ZNF609: variants seen among roughly 807,000 people sequenced by gnomAD.
ZNF609 encodes the protein zinc finger protein 609.
In ZNF609, 11 loss-of-function variants were observed where a neutral mutation model predicts 109.5. The ratio of observed to expected loss-of-function variants is 0.10; its 90% CI spans 0.06 to 0.17. The LOEUF (loss-of-function observed/expected upper bound fraction) is 0.17. Ranked by LOEUF, ZNF609 falls within the 10% of genes least tolerant of loss-of-function variation. ZNF609 has a pLI of 1.00. For missense variants in ZNF609, 1,559 were observed against 1,772.4 expected, an observed-to-expected ratio of 0.88 and a Z score of 2.16; for synonymous variants, 646 against 662.0, an observed-to-expected ratio of 0.98 and a Z score of 0.37.
chr15:64,667,588 C>G (rs1053357312), intron 3 of ZNF609, among the ~76,000 whole-genome samples: 1 of 151,688 alleles, frequency 6.6e-6, no homozygotes, highest in African/African-American at 2.4e-5. Context: ...TGGCACCTGC[C>G]GTAATCCCAG....
chr15:64,680,256 A>G lies in ZNF609; in HGVS notation c.3841A>G (p.Lys1281Glu). 1 of 1,614,200 alleles carries G rather than the reference A, an allele frequency of 6.2e-7. No individual in the cohort carries two copies. The highest frequency in any genetic ancestry group is 8.5e-7 in the Non-Finnish European group (1 of 1,180,040). ...SKVSGGEDAD[K>E]ARASPSVTCK... is the part of the protein sequence containing the mutation. ...GGTCTCAGGTGGTGAAGATGCTGAC[A>G]AGGCACGAGCCAGCCCCAGTGTGAC... Residue 1281 changes from lysine to glutamate, a missense_variant, in exon 7 of 10, where the codon AAG (lysine) becomes GAG (glutamate). Lys to Glu is a moderately conservative substitution (Grantham distance 56, BLOSUM62 1). Transcript: ENST00000326648.
intron 3 of ZNF609, among the ~76,000 whole-genome samples, chr15:64,658,746 G>T (rs1040400630): frequency 6.6e-6 from 1 of 150,756 alleles, no homozygotes; most frequent in Non-Finnish European, 1.5e-5. Flanking sequence ...TCAGTGAGCC[G>T]TAATCATACC....
intron 6 of ZNF609, among the ~76,000 whole-genome samples, chr15:64,679,411 AACTCT>A (rs1896850456): frequency 6.6e-6 from 1 of 152,168 alleles, no homozygotes. Context: ...GCTCTTATTT[AACTCT>A]ACTCGTTTTG....
At chr15:64,619,756 T>C (rs1895850871) in intron 2 of ZNF609, among the ~76,000 whole-genome samples, 1 of 152,210 alleles carries the variant, frequency 6.6e-6, no homozygotes, top group African/African-American at 2.4e-5. Flanking sequence ...CTGTTATTCT[T>C]AGTGATCAGT....
At chr15:64,582,738 TGAGACAGAGTC>T (rs1283419774) in intron 2 of ZNF609, among the ~76,000 whole-genome samples, 4 of 122,838 alleles carry the variant, frequency 3.3e-5, no homozygotes, top group African/African-American at 9.9e-5. Flanking sequence ...TTTTTTTTTT[TGAGACAGAGTC>T]TTTTTTTTTT....
In ZNF609 at chr15:64,682,923, T is replaced by G. The variant is rs769640689; in HGVS notation, c.*1237T>G. 6.5e-6 allele frequency: 1 copy of G among 152,678 alleles called. No individual in the cohort carries two copies. The highest frequency in any genetic ancestry group is 1.5e-5 in the Non-Finnish European group (1 of 68,052). The allele number at this position is 152,678 out of a possible 1,614,324, so 9.5% of individuals were successfully genotyped here. On this transcript the variant is annotated 3_prime_UTR_variant, in exon 10 of 10. Coordinates refer to ENST00000326648, the MANE Select transcript of ZNF609 (RefSeq NM_015042.2). The stretch of plus-strand genomic sequence containing the variant: ...GGGCCACTGGCCATGGGAGGTTATT[T>G]GTTCCTTAGACCCTGGAATAACACA...
intron 2 of ZNF609, among the ~76,000 whole-genome samples, chr15:64,577,109 T>C (rs1894989773): frequency 8.1e-6 from 1 of 123,952 alleles, no homozygotes; most frequent in Non-Finnish European, 1.6e-5. Context: ...TACACACAAA[T>C]ATATACATAT....
At chr15:64,543,052 A>G (rs899763541) in intron 2 of ZNF609, among the ~76,000 whole-genome samples, 5 of 152,228 alleles carry the variant, frequency 3.3e-5, no homozygotes, top group African/African-American at 2.4e-5. Context: ...TCTGAGGCTT[A>G]AAACCTAGAT....
intron 3 of ZNF609, among the ~76,000 whole-genome samples, chr15:64,655,165 C>T (rs1306448697): frequency 1.3e-5 from 2 of 148,338 alleles, no homozygotes. Flanking sequence ...AATTATAGCA[C>T]CAAGTTGAGG....
chr15:64,470,883 T>C (rs997823807), intron 1 of ZNF609, among the ~76,000 whole-genome samples: 11 of 152,212 alleles, frequency 7.2e-5, no homozygotes, highest in African/African-American at 2.7e-4. Flanking sequence ...CATATTAGGA[T>C]TTTTATCAGC....
intron 1 of ZNF609, among the ~76,000 whole-genome samples, chr15:64,487,667 C>G (rs1032637868): frequency 6.6e-6 from 1 of 151,390 alleles, no homozygotes; most frequent in African/African-American, 2.4e-5. Flanking sequence ...GAGTCTTGCT[C>G]TGTCGCCCCG....
rs116761720 is a variant in ZNF609 at position 64,676,300 on chromosome 15, C to T, written c.3402+44C>T. 1,367 of 1,528,510 alleles carry T rather than the reference C, an allele frequency of 8.9e-4. 7 individuals carry two copies. The African/African-American group carries it at 0.017, about 19-fold the overall frequency. 94.7% of individuals were successfully genotyped at this position (1,528,510 alleles called of 1,614,324 possible). ...GGAAGTGGAAATACCGTATGGTAAT[C>T]GTCTATCTTCCTCACAAATAAGGGC... On this transcript the variant is annotated intron_variant, in intron 5 of 9. Coordinates refer to ENST00000326648, the MANE Select transcript of ZNF609 (RefSeq NM_015042.2).
At chr15:64,637,994 T>TA (rs1555424285) in intron 3 of ZNF609, among the ~76,000 whole-genome samples, 4 of 134,350 alleles carry the variant, frequency 3.0e-5, no homozygotes, top group Non-Finnish European at 4.8e-5. Flanking sequence ...GAACCTTGTT[T>TA]TATATATATA....
rs71133451 is a variant in ZNF609, at chr15:64,588,442, A to AAAAAAAAAAAAAGAAG, written c.748-34383_748-34382insAAAAAAAAAAGAAGAA. Among the ~76,000 whole-genome samples the AAAAAAAAAAAAAGAAG allele has an allele frequency of 2.8e-3, 212 of 75,262 alleles. 17 individuals carry two copies. The highest frequency in any genetic ancestry group is 0.01 in the African/African-American group (201 of 19,496). The allele number at this position is 75,262 out of a possible 152,430, so 49.4% of individuals were successfully genotyped here. On this transcript the variant is annotated intron_variant, in intron 2 of 9. Coordinates refer to ENST00000326648, the MANE Select transcript of ZNF609 (RefSeq NM_015042.2). The stretch of plus-strand genomic sequence containing the variant: ...CACTCTGTCTAAAAAAAAAAAAAAA[A>AAAAAAAAAAAAAGAAG]AAGAAGAGGAAGACTGTACAGACTA...
At position 64,499,330 on chromosome 15, in the gene ZNF609, G is replaced by T; in HGVS notation, c.-90G>T. ...CCACTGGGCATGTACTGACCAATGT[G>T]GCAGGTCTGAGAACATAGCTGAAGC... is the stretch of plus-strand genomic sequence containing the variant. On this transcript the variant is annotated 5_prime_UTR_variant, in exon 2 of 10. Transcript: ENST00000326648. 6.6e-7 allele frequency: 1 copy of T among 1,514,238 alleles called. No homozygotes were observed. Among genetic ancestry groups the T allele is most frequent in the South Asian group, 1.3e-5 (1 of 76,832 alleles). The allele number at this position is 1,514,238 out of a possible 1,614,324, so 93.8% of individuals were successfully genotyped here. A position where few individuals can be genotyped will look rare whatever the true frequency, so the allele number is the denominator to read the frequency against.
At chr15:64,517,851 C>A (rs1419826174) in intron 2 of ZNF609, among the ~76,000 whole-genome samples, 1 of 151,948 alleles carries the variant, frequency 6.6e-6, no homozygotes, top group Non-Finnish European at 1.5e-5. Context: ...ACAATCTTGG[C>A]CCACTATAAC....
intron 2 of ZNF609, among the ~76,000 whole-genome samples, chr15:64,587,718 A>G (rs1895220791): frequency 1.3e-5 from 2 of 152,274 alleles, no homozygotes; most frequent in South Asian, 4.1e-4. Flanking sequence ...TGAAACTTCC[A>G]GTTTATTCTG....
At chr15:64,650,856 A>G (rs1896406106) in intron 3 of ZNF609, among the ~76,000 whole-genome samples, 1 of 147,980 alleles carries the variant, frequency 6.8e-6, no homozygotes, top group African/African-American at 2.5e-5. Context: ...GTGAAATGGA[A>G]TATTTATTTA....
At chr15:64,633,733 T>C (rs559420828) in intron 3 of ZNF609, among the ~76,000 whole-genome samples, 95 of 152,218 alleles carry the variant, frequency 6.2e-4, no homozygotes, top group African/African-American at 2.2e-3. Flanking sequence ...TGAAAAAGTT[T>C]AGCCAGGCAT....
Sources: gnomAD v4.1 joint callset for allele counts (sites outside exome capture counted in the v4.1 genomes callset) on GRCh38, gnomAD v4.1.1 for gene constraint, MANE v1.5 for transcripts, NCBI Gene and HGNC (gene_info 2026-07-23, HGNC 2026-07-21) for gene names.